Variants in NRG1 observed in about 807,000 individuals in gnomAD.
NRG1 encodes pro-neuregulin-1, membrane-bound isoform.
Under a neutral mutation model 63.8 loss-of-function variants are expected in NRG1, and 18 were observed. That is an observed-to-expected ratio of 0.28 (90% CI 0.19 to 0.42). NRG1 has a LOEUF of 0.42. NRG1 is among the 10% of genes least tolerant of loss of function. The pLI is 1.00. For synonymous variants in NRG1, 302 were observed against 301.3 expected, an observed-to-expected ratio of 1.00 and a Z score of -0.02; for missense variants, 762 against 814.7, an observed-to-expected ratio of 0.94 and a Z score of 0.79.
intron 1 of NRG1, among the ~76,000 whole-genome samples, chr8:32,137,337 G>C (rs1042283988): frequency 6.6e-6 from 1 of 152,082 alleles, no homozygotes; most frequent in Non-Finnish European, 1.5e-5. Context: ...AGCTACTTGG[G>C]AGGTTGAGGC....
At chr8:32,141,701 A>G (rs959676846) in intron 1 of NRG1, among the ~76,000 whole-genome samples, 3 of 149,306 alleles carry the variant, frequency 2.0e-5, no homozygotes, top group African/African-American at 7.4e-5. Flanking sequence ...TCTGAATAAC[A>G]TTTGAAAAAT....
At chr8:32,048,547 T>C (rs1472139573) in intron 1 of NRG1, among the ~76,000 whole-genome samples, 2 of 150,248 alleles carry the variant, frequency 1.3e-5, no homozygotes, top group African/African-American at 2.4e-5. Context: ...ACCTTCACGC[T>C]GTTTTCCATA....
intron 1 of NRG1, among the ~76,000 whole-genome samples, chr8:32,506,710 G>C (rs140237561): frequency 0.011 from 1,717 of 152,024 alleles, 20 homozygotes; most frequent in Non-Finnish European, 0.019. Context: ...GAAATCTTGG[G>C]GGGTATGTGG....
chr8:31,704,133 A>G (rs1221667733), intron 1 of NRG1, among the ~76,000 whole-genome samples: 1 of 152,186 alleles, frequency 6.6e-6, no homozygotes, highest in East Asian at 1.9e-4. Flanking sequence ...GTTGCCCTAT[A>G]TTTCTACAAA....
intron 1 of NRG1, among the ~76,000 whole-genome samples, chr8:31,943,848 C>G (rs777194899): frequency 2.0e-5 from 3 of 152,166 alleles, no homozygotes; most frequent in Non-Finnish European, 2.9e-5. Flanking sequence ...CTTATGGTCC[C>G]CAACAACAAG....
At position 32,228,111 on chromosome 8, in the gene NRG1, G is replaced by T. The variant is rs1846525713; in HGVS notation, c.38-367717G>T. Among the ~76,000 whole-genome samples the T allele has an allele frequency of 2.0e-5, 3 of 151,926 alleles. No homozygotes were observed. In the South Asian group the frequency reaches 6.2e-4, roughly 32 times the overall value. On this transcript the variant is annotated intron_variant, in intron 1 of 10. Transcript: ENST00000519301. The stretch of plus-strand genomic sequence containing the variant: ...TTACTGCAACAGTGAATTTATCCTT[G>T]GATTTCTCCATTATGATTGGCAGTA...
chr8:32,760,210 G>C, exon 11 of NRG1: 1 of 1,613,816 alleles, frequency 6.2e-7, no homozygotes, highest in African/African-American at 1.3e-5. Flanking sequence ...CTGGAGCAAC[G>C]GACACACTGA....
intron 1 of NRG1, among the ~76,000 whole-genome samples, chr8:31,862,454 C>T (rs574011247): frequency 5.9e-5 from 9 of 152,294 alleles, no homozygotes; most frequent in East Asian, 5.8e-4. Context: ...AAATATCTAA[C>T]ATTCGGCCAT....
intron 1 of NRG1, among the ~76,000 whole-genome samples, chr8:32,379,903 G>A (rs1810127814): frequency 6.6e-6 from 1 of 152,242 alleles, no homozygotes; most frequent in Non-Finnish European, 1.5e-5. Flanking sequence ...TCTCTCTTCT[G>A]AATCATCCCT....
At chr8:32,603,333 G>A (rs763849829) in intron 2 of NRG1, among the ~76,000 whole-genome samples, 33 of 152,250 alleles carry the variant, frequency 2.2e-4, no homozygotes, top group Non-Finnish European at 3.2e-4. Flanking sequence ...TATTCAAGAT[G>A]CTGAGAAATC....
At chr8:32,283,718 C>T (rs757108784) in intron 1 of NRG1, among the ~76,000 whole-genome samples, 1 of 152,058 alleles carries the variant, frequency 6.6e-6, no homozygotes, top group Non-Finnish European at 1.5e-5. Context: ...AGAGAAACAG[C>T]AAGATAATTT....
intron 1 of NRG1, among the ~76,000 whole-genome samples, chr8:32,559,956 G>A (rs1836058358): frequency 6.6e-6 from 1 of 152,092 alleles, no homozygotes; most frequent in Non-Finnish European, 1.5e-5. Flanking sequence ...CTCAGAGGTT[G>A]CAGTGAGCTG....
intron 3 of NRG1, among the ~76,000 whole-genome samples, chr8:32,607,676 C>T (rs973567580): frequency 3.9e-5 from 6 of 152,226 alleles, no homozygotes; most frequent in African/African-American, 1.2e-4. Context: ...CACATTAATT[C>T]ACTGAAGTCT....
chr8:32,184,623 C>G (rs1841787723), intron 1 of NRG1, among the ~76,000 whole-genome samples: 1 of 151,446 alleles, frequency 6.6e-6, no homozygotes, highest in African/African-American at 2.4e-5. Context: ...AGGAAAGCAT[C>G]TGGTGATTGA....
chr8:32,727,869 T>A (rs1236677330), intron 5 of NRG1, 80 bp from the exon 6 acceptor site: 22 of 1,410,998 alleles, frequency 1.6e-5, no homozygotes, highest in Non-Finnish European at 1.6e-5. Flanking sequence ...CTCTTCCTTT[T>A]AGGATAATTT....
At chr8:32,712,923 C>A (rs746946605) in intron 5 of NRG1, among the ~76,000 whole-genome samples, 32 of 152,138 alleles carry the variant, frequency 2.1e-4, no homozygotes, top group Admixed American at 5.2e-4. Flanking sequence ...TCAGCTATAT[C>A]TCTTATCTCT....
chr8:32,296,616 C>CAAA (rs34816837), intron 1 of NRG1, among the ~76,000 whole-genome samples: 1 of 100,778 alleles, frequency 9.9e-6, no homozygotes, highest in Non-Finnish European at 2.1e-5. Context: ...AACTTTGTCC[C>CAAA]AAAAAAAAAA....
chr8:32,282,302 G>A (rs114153631), intron 1 of NRG1, among the ~76,000 whole-genome samples: 6 of 152,274 alleles, frequency 3.9e-5, no homozygotes, highest in African/African-American at 7.2e-5. Context: ...GACATTTTAC[G>A]TAGGACCTTC....
intron 1 of NRG1, among the ~76,000 whole-genome samples, chr8:31,984,629 C>T (rs1809734034): frequency 6.6e-6 from 1 of 152,082 alleles, no homozygotes; most frequent in African/African-American, 2.4e-5. Context: ...TGCATGATGC[C>T]TGTGCCCTGC....
Sources: gnomAD v4.1 joint callset for allele counts (sites outside exome capture counted in the v4.1 genomes callset) on GRCh38, gnomAD v4.1.1 for gene constraint, MANE v1.5 for transcripts, NCBI Gene and HGNC (gene_info 2026-07-23, HGNC 2026-07-21) for gene names.